Variants in VEPH1 observed in about 807,000 individuals in gnomAD.
VEPH1 encodes the protein ventricular zone-expressed PH domain-containing protein homolog 1.
VEPH1 carries 80 observed loss-of-function variants against 85.2 expected under a neutral mutation model. The observed-to-expected ratio is 0.94, with a 90% CI of 0.78 to 1.13. The LOEUF (loss-of-function observed/expected upper bound fraction) is 1.13. Ranked by LOEUF, VEPH1 falls within the 50% of genes most tolerant of loss-of-function variation. The pLI is 0.00. For missense variants in VEPH1, 955 were observed against 980.5 expected (o/e 0.97, Z 0.35); for synonymous variants, 297 against 348.0 (o/e 0.85, Z 1.63).
chr3:157,393,672 T>A (rs2108934324), intron 6 of VEPH1, among the ~76,000 whole-genome samples: 1 of 152,324 alleles, frequency 6.6e-6, no homozygotes, highest in African/African-American at 2.4e-5. Context: ...ATATGTAATG[T>A]AACAGGAAAT....
chr3:157,417,047 T>A (rs969445840), intron 5 of VEPH1, among the ~76,000 whole-genome samples: 1 of 151,628 alleles, frequency 6.6e-6, no homozygotes, highest in Non-Finnish European at 1.5e-5. Context: ...TAATAACAAT[T>A]TTACAAATTA....
chr3:157,286,600 T>A lies in VEPH1; in HGVS notation c.2085A>T (p.Gly695=). ...FDVFGFSETA[G]AWQCFMCNNP... is the part of the protein sequence containing the mutation. ...TGTTGCACATGAAGCATTGCCATGC[T>A]CCTGCTGTTTCACTGAAGCCAAACA... is the stretch of plus-strand genomic sequence containing the variant. Residue 695 remains glycine, a synonymous_variant, in exon 12 of 14, where the codon GGA becomes GGT. Coordinates refer to ENST00000362010, the MANE Select transcript of VEPH1 (RefSeq NM_001167912.2). The A allele has an allele frequency of 1.2e-6, 2 of 1,614,110 alleles. No individual in the cohort carries two copies. The highest frequency in any genetic ancestry group is 2.2e-5 in the South Asian group (2 of 91,072).
chr3:157,469,131 G>C (rs1736678334), intron 3 of VEPH1, among the ~76,000 whole-genome samples: 1 of 152,086 alleles, frequency 6.6e-6, no homozygotes, highest in Non-Finnish European at 1.5e-5. Context: ...CTGGGTCTTT[G>C]GTGTTCCATC....
At chr3:157,499,074 G>T (rs779947685) in intron 1 of VEPH1, among the ~76,000 whole-genome samples, 2 of 152,094 alleles carry the variant, frequency 1.3e-5, no homozygotes, top group Non-Finnish European at 2.9e-5. Context: ...CATGCCCAAG[G>T]TTACACACAG....
At position 157,333,416 on chromosome 3, in the gene VEPH1, A is replaced by C. The variant is rs6763509; in HGVS notation, c.1736-16215T>G. ...TTAGATGTCCAAACATTAAGAATACAAAGTAGTCAATGTCAACATGATCAG... is the reference window on the plus strand; with the variant it reads ...TTAGATGTCCAAACATTAAGAATACCAAGTAGTCAATGTCAACATGATCAG... On this transcript the variant is annotated intron_variant, in intron 9 of 13. Transcript: ENST00000362010. Among the ~76,000 whole-genome samples the C allele has an allele frequency of 5.5e-3, 842 of 152,362 alleles. 3 individuals are homozygous for C. Among genetic ancestry groups the C allele is most frequent in the African/African-American group, 0.019 (806 of 41,586 alleles).
chr3:157,327,770 G>A (rs554539781), intron 9 of VEPH1, among the ~76,000 whole-genome samples: 4 of 152,262 alleles, frequency 2.6e-5, no homozygotes, highest in Admixed American at 1.3e-4. Flanking sequence ...ACTTGTGCCT[G>A]CTTGCTGCTT....
chr3:157,305,867 C>T (rs764056980), intron 11 of VEPH1, among the ~76,000 whole-genome samples: 4 of 152,142 alleles, frequency 2.6e-5, no homozygotes, highest in Non-Finnish European at 5.9e-5. Context: ...TAAGTATTTG[C>T]TCATGTTCTT....
chr3:157,460,250 G>C lies in VEPH1; in HGVS notation c.460C>G (p.Leu154Val), dbSNP rs201646554. 1 of 1,614,178 alleles carries C rather than the reference G, an allele frequency of 6.2e-7. No homozygotes were observed. Among genetic ancestry groups the C allele is most frequent in the Non-Finnish European group, 8.5e-7 (1 of 1,180,028 alleles). ...AGATCTGCCTTGGTAATTGCAGCCA[G>C]AGACAGGTAGTTAGACATATTCCTG... ...LCRNMSNYLS[L>V]AAITKADLLA... The change falls in exon 4 of 14, where the codon CTG becomes GTG. Residue 154 changes from leucine (L) to valine (V), a missense_variant. Physicochemically the swap from Leu to Val is conservative, Grantham distance 32. Coordinates refer to ENST00000362010, the MANE Select transcript of VEPH1 (RefSeq NM_001167912.2).
intron 7 of VEPH1, among the ~76,000 whole-genome samples, chr3:157,380,717 T>C (rs932146593): frequency 6.6e-6 from 1 of 152,232 alleles, no homozygotes; most frequent in Admixed American, 6.5e-5. Flanking sequence ...TCGGCCATTC[T>C]GCTATTCTCC....
chr3:157,271,284 C>T (rs182605755), intron 12 of VEPH1, among the ~76,000 whole-genome samples: 1 of 152,284 alleles, frequency 6.6e-6, no homozygotes, highest in East Asian at 1.9e-4. Flanking sequence ...GAGGGTCCAG[C>T]TAGCCCAGCA....
chr3:157,383,871 C>T (rs1391110087), intron 6 of VEPH1, among the ~76,000 whole-genome samples: 1 of 152,060 alleles, frequency 6.6e-6, no homozygotes. Context: ...CTTAAATGCT[C>T]TTGGATCCAA....
intron 11 of VEPH1, among the ~76,000 whole-genome samples, chr3:157,289,691 T>C (rs537625359): frequency 2.6e-5 from 4 of 152,282 alleles, no homozygotes; most frequent in Admixed American, 2.6e-4. Flanking sequence ...GTCCTGCAGC[T>C]TCCCTAGGGC....
intron 11 of VEPH1, among the ~76,000 whole-genome samples, chr3:157,304,991 C>T (rs1719296669): frequency 6.7e-6 from 1 of 149,928 alleles, no homozygotes; most frequent in African/African-American, 2.5e-5. Context: ...TTTGTTCTCT[C>T]AGCAGAGAGA....
intron 7 of VEPH1, among the ~76,000 whole-genome samples, chr3:157,370,983 T>C (rs973948603): frequency 6.6e-6 from 1 of 152,260 alleles, no homozygotes; most frequent in African/African-American, 2.4e-5. Context: ...TTGTATAAGA[T>C]ACTGGATTTG....
intron 2 of VEPH1, among the ~76,000 whole-genome samples, chr3:157,484,616 G>T (rs1438067831): frequency 6.6e-6 from 1 of 152,140 alleles, no homozygotes; most frequent in Non-Finnish European, 1.5e-5. Context: ...CATTTAAAAA[G>T]AATAGTTTCA....
chr3:157,338,154 A>G (rs1247185785), intron 9 of VEPH1, among the ~76,000 whole-genome samples: 1 of 152,242 alleles, frequency 6.6e-6, no homozygotes, highest in African/African-American at 2.4e-5. Context: ...AATAGTTCCT[A>G]TAATGTGAAT....
intron 5 of VEPH1, among the ~76,000 whole-genome samples, chr3:157,416,799 AAG>A (rs1296730393): frequency 1.2e-4 from 18 of 152,216 alleles, no homozygotes; most frequent in Non-Finnish European, 2.4e-4. Context: ...GAAATAAAGA[AAG>A]AGAGAAAGGA....
intron 5 of VEPH1, 25 bp from the exon 6 acceptor site, chr3:157,414,115 G>A (rs748027281): frequency 6.6e-7 from 1 of 1,516,840 alleles, no homozygotes; most frequent in Admixed American, 1.8e-5. Flanking sequence ...GAGAGGAGGA[G>A]GGAAGAAAGA....
chr3:157,373,952 A>G (rs1380692239), intron 7 of VEPH1, among the ~76,000 whole-genome samples: 1 of 152,152 alleles, frequency 6.6e-6, no homozygotes, highest in Non-Finnish European at 1.5e-5. Context: ...GGCCTGCTTC[A>G]TTGTCTCCAA....
Sources: gnomAD v4.1 joint callset for allele counts (sites outside exome capture counted in the v4.1 genomes callset) on GRCh38, gnomAD v4.1.1 for gene constraint, MANE v1.5 for transcripts, NCBI Gene and HGNC (gene_info 2026-07-23, HGNC 2026-07-21) for gene names.